Variants in SRGAP2 observed in about 807,000 individuals in gnomAD.
The protein encoded by SRGAP2 is SLIT-ROBO Rho GTPase-activating protein 2.
A neutral mutation model predicts 57.2 loss-of-function variants in SRGAP2; 15 were observed. The ratio of observed to expected loss-of-function variants is 0.26; its 90% CI spans 0.18 to 0.40. The LOEUF (loss-of-function observed/expected upper bound fraction) is 0.40, where lower values mean the gene tolerates loss of function less well. Among genes scored for constraint, SRGAP2 ranks in the 10% least tolerant of loss-of-function variants. The pLI is 1.00. For missense variants in SRGAP2, 520 were observed against 669.6 expected (o/e 0.78, Z 2.47); for synonymous variants, 249 against 248.0 (o/e 1.00, Z -0.04).
At chr1:206,431,266 A>T (rs1192752077) in intron 14 of SRGAP2, among the ~76,000 whole-genome samples, 1 of 152,230 alleles carries the variant, frequency 6.6e-6, no homozygotes, top group African/African-American at 2.4e-5. Flanking sequence ...CAACAAATTT[A>T]TCAAGTCCCT....
At chr1:206,226,358 T>G (rs573113569) in intron 2 of SRGAP2, among the ~76,000 whole-genome samples, 1 of 152,302 alleles carries the variant, frequency 6.6e-6, no homozygotes, top group Non-Finnish European at 1.5e-5. Flanking sequence ...GAGTTATTAC[T>G]CTCCTCCTTT....
At chr1:206,383,278 G>A (rs1341929923) in intron 4 of SRGAP2, among the ~76,000 whole-genome samples, 1 of 151,110 alleles carries the variant, frequency 6.6e-6, no homozygotes, top group Non-Finnish European at 1.5e-5. Flanking sequence ...ACCCACCTTG[G>A]CCTCTCAAAG....
chr1:206,427,267 A>G (rs1482377112), intron 13 of SRGAP2, among the ~76,000 whole-genome samples: 1 of 152,186 alleles, frequency 6.6e-6, no homozygotes, highest in African/African-American at 2.4e-5. Context: ...TGGCATTTTC[A>G]TAGTGGAACC....
At chr1:206,241,183 C>G (rs1264640627) in intron 2 of SRGAP2, among the ~76,000 whole-genome samples, 2 of 152,110 alleles carry the variant, frequency 1.3e-5, no homozygotes, top group African/African-American at 4.8e-5. Flanking sequence ...GACCCTGTCT[C>G]AAAAACAAGC....
At chr1:206,259,359 CAG>C (rs1453400363) in intron 2 of SRGAP2, among the ~76,000 whole-genome samples, 1 of 144,356 alleles carries the variant, frequency 6.9e-6, no homozygotes, top group Admixed American at 6.9e-5. Flanking sequence ...TTAAAAGAGA[CAG>C]GGTCTCATCC....
At chr1:206,425,239 A>C (rs1660692979) in intron 13 of SRGAP2, among the ~76,000 whole-genome samples, 1 of 152,186 alleles carries the variant, frequency 6.6e-6, no homozygotes, top group Non-Finnish European at 1.5e-5. Context: ...ATTTTTTAAT[A>C]ATTTATATTA....
At chr1:206,364,201 G>A (rs1302920498) in intron 4 of SRGAP2, among the ~76,000 whole-genome samples, 1 of 148,792 alleles carries the variant, frequency 6.7e-6, no homozygotes, top group African/African-American at 2.5e-5. Flanking sequence ...TTTACATTTT[G>A]TGCTATAGAT....
intron 4 of SRGAP2, among the ~76,000 whole-genome samples, chr1:206,356,628 C>T (rs1318325732): frequency 6.6e-6 from 1 of 152,120 alleles, no homozygotes; most frequent in African/African-American, 2.4e-5. Flanking sequence ...TCCCTTGTTG[C>T]AGGACAGGCT....
At chr1:206,304,476 A>G (rs1672072818) in intron 3 of SRGAP2, among the ~76,000 whole-genome samples, 1 of 148,974 alleles carries the variant, frequency 6.7e-6, no homozygotes, top group African/African-American at 2.5e-5. Flanking sequence ...CCCATAAAAT[A>G]TGCTAATACA....
At chr1:206,384,849 A>T (rs1656054426) in intron 5 of SRGAP2, among the ~76,000 whole-genome samples, 1 of 150,422 alleles carries the variant, frequency 6.6e-6, no homozygotes, top group African/African-American at 2.5e-5. Flanking sequence ...GGAATACTTA[A>T]GTTATACAGC....
At chr1:206,444,751 C>T (rs1247879480) in intron 17 of SRGAP2, among the ~76,000 whole-genome samples, 4 of 152,152 alleles carry the variant, frequency 2.6e-5, no homozygotes, top group African/African-American at 4.8e-5. Context: ...ACTCAGGATC[C>T]GGGGAAGGAT....
intron 4 of SRGAP2, among the ~76,000 whole-genome samples, chr1:206,365,722 G>A (rs1653936183): frequency 7.2e-6 from 1 of 138,370 alleles, no homozygotes; most frequent in South Asian, 2.5e-4. Context: ...CATTAGACCA[G>A]GAATCAGGTA....
At chr1:206,450,814 A>G (rs1265493926) in intron 19 of SRGAP2, among the ~76,000 whole-genome samples, 1 of 152,138 alleles carries the variant, frequency 6.6e-6, no homozygotes, top group Admixed American at 6.5e-5. Context: ...AGGAAAGTAC[A>G]TTTGAAAAAC....
At chr1:206,362,811 T>C (rs1677010147) in intron 4 of SRGAP2, among the ~76,000 whole-genome samples, 1 of 151,876 alleles carries the variant, frequency 6.6e-6, no homozygotes, top group South Asian at 2.1e-4. Context: ...GTATGTTTCC[T>C]CAATACACAG....
At chr1:206,361,556 T>C (rs1261777524) in intron 4 of SRGAP2, among the ~76,000 whole-genome samples, 1 of 151,954 alleles carries the variant, frequency 6.6e-6, no homozygotes, top group African/African-American at 2.4e-5. Flanking sequence ...TCTAGCTGAC[T>C]TTAAGTTTTT....
At chr1:206,445,754 C>G (rs1327358265) in intron 17 of SRGAP2, among the ~76,000 whole-genome samples, 1 of 152,082 alleles carries the variant, frequency 6.6e-6, no homozygotes, top group Non-Finnish European at 1.5e-5. Flanking sequence ...TTCTCAAGGT[C>G]ATGTGGCCTT....
Position 206,462,698 on chromosome 1 carries a change from T to C in SRGAP2, c.*1278T>C, listed in dbSNP as rs1664342080. On this transcript the variant is annotated 3_prime_UTR_variant, in exon 23 of 23. Coordinates refer to ENST00000573034, the MANE Select transcript of SRGAP2 (RefSeq NM_015326.5). ...TTAAGGGAACCCTGACCCCACAGGC[T>C]CTCAAGTCTTCCCAAGGCCAGAATC... is the stretch of plus-strand genomic sequence containing the variant. The C allele has an allele frequency of 6.6e-6, 1 of 152,218 alleles. No individual in the cohort carries two copies. Among genetic ancestry groups the C allele is most frequent in the African/African-American group, 2.4e-5 (1 of 41,462 alleles). The allele number at this position is 152,218 out of a possible 1,614,324, so 9.4% of individuals were successfully genotyped here.
rs78699832 is a variant in SRGAP2 at position 206,415,247 on chromosome 1, G to A, written c.1357-642G>A. 5.7e-3 allele frequency among the ~76,000 whole-genome samples: 870 copies of A among 152,168 alleles called. 9 individuals carry two copies. Among genetic ancestry groups the A allele is most frequent in the African/African-American group, 0.02 (817 of 41,420 alleles). On this transcript the variant is annotated intron_variant, in intron 10 of 22. Coordinates refer to ENST00000573034, the MANE Select transcript of SRGAP2 (RefSeq NM_015326.5). ...AATCATATTTTGACTGTGAGAGCAGGTGGGATCACATTTCCAAAACTTCAT... is the reference window on the plus strand; with the variant it reads ...AATCATATTTTGACTGTGAGAGCAGATGGGATCACATTTCCAAAACTTCAT...
At chr1:206,365,924 G>A (rs1653961010) in intron 4 of SRGAP2, among the ~76,000 whole-genome samples, 1 of 151,700 alleles carries the variant, frequency 6.6e-6, no homozygotes, top group Non-Finnish European at 1.5e-5. Flanking sequence ...GCAAAATTAT[G>A]GAGAGTGCAG....
Sources: allele counts gnomAD v4.1 joint callset (sites outside exome capture counted in the v4.1 genomes callset), GRCh38; gene constraint gnomAD v4.1.1; transcripts MANE v1.5; gene names NCBI Gene and HGNC (gene_info 2026-07-23, HGNC 2026-07-21).